PLA2R1: variants seen among roughly 807,000 people sequenced by gnomAD.
PLA2R1 encodes secretory phospholipase A2 receptor.
In PLA2R1, 158 loss-of-function variants were observed where a neutral mutation model predicts 195.9. The ratio of observed to expected loss-of-function variants is 0.81; its 90% CI spans 0.71 to 0.92. The LOEUF (loss-of-function observed/expected upper bound fraction) is 0.92. Among genes scored for constraint, PLA2R1 ranks in the 40% least tolerant of loss-of-function variants. The pLI is 0.00. For missense variants in PLA2R1, 1,626 were observed against 1,764.6 expected (o/e 0.92, Z 1.41); for synonymous variants, 586 against 598.2 (o/e 0.98, Z 0.30).
chr2:159,999,283 T>C (rs1202702045), intron 11 of PLA2R1, among the ~76,000 whole-genome samples: 1 of 152,172 alleles, frequency 6.6e-6, no homozygotes, highest in Non-Finnish European at 1.5e-5. Flanking sequence ...ATATATGAGT[T>C]ATTTATTGTA....
intron 20 of PLA2R1, among the ~76,000 whole-genome samples, chr2:159,962,245 A>T (rs1185813111): frequency 1.3e-5 from 2 of 152,262 alleles, no homozygotes; most frequent in Non-Finnish European, 2.9e-5. Context: ...GACACTTCTC[A>T]AAAGAAGACA....
At chr2:159,925,337 T>C in the PLA2R1 span, among the ~76,000 whole-genome samples, 5 of 152,180 alleles carry the variant, frequency 3.3e-5, no homozygotes, top group Non-Finnish European at 7.3e-5. Flanking sequence ...GAGAAAGCCA[T>C]GTAAAAGATA....
At chr2:160,058,596 C>T (rs1478677280) in intron 1 of PLA2R1, among the ~76,000 whole-genome samples, 1 of 152,208 alleles carries the variant, frequency 6.6e-6, no homozygotes. Context: ...ATGACTATGC[C>T]CAGTTTTCAC....
At chr2:160,024,599 C>A (rs770436860) in intron 6 of PLA2R1, among the ~76,000 whole-genome samples, 36 of 152,132 alleles carry the variant, frequency 2.4e-4, no homozygotes, top group Non-Finnish European at 3.4e-4. Flanking sequence ...GCAGTCATAC[C>A]CCCCAGCACC....
chr2:159,934,729 C>A lies in PLA2R1; in HGVS notation c.*7049G>T, dbSNP rs1259806149. 1 of 152,146 alleles carries A rather than the reference C, an allele frequency of 6.6e-6. No homozygotes were observed. The highest frequency in any genetic ancestry group is 1.9e-4 in the East Asian group (1 of 5,198). 9.4% of individuals were successfully genotyped at this position (152,146 alleles called of 1,614,324 possible). On this transcript the variant is annotated 3_prime_UTR_variant, in exon 30 of 30. Coordinates refer to ENST00000283243, the MANE Select transcript of PLA2R1 (RefSeq NM_007366.5). ...TTTAGGTTTACAGAAAAATTGCCAA[C>A]TTAGTCCAGAGAGTTCCTGTACAGC...
intron 14 of PLA2R1, among the ~76,000 whole-genome samples, chr2:159,978,431 C>T (rs1689723587): frequency 6.6e-6 from 1 of 152,094 alleles, no homozygotes; most frequent in Admixed American, 6.5e-5. Context: ...TATATATAGC[C>T]TCAGGTTCAG....
chr2:160,009,342 G>A (rs537858948), intron 10 of PLA2R1, among the ~76,000 whole-genome samples: 28 of 152,310 alleles, frequency 1.8e-4, no homozygotes, highest in African/African-American at 6.7e-4. Context: ...AACAATATGT[G>A]TATATACATA....
chr2:160,024,387 A>G (rs1442632999), intron 6 of PLA2R1, among the ~76,000 whole-genome samples: 2 of 152,104 alleles, frequency 1.3e-5, no homozygotes, highest in Non-Finnish European at 2.9e-5. Context: ...TGCCCCTCAG[A>G]GCCTGAGCTG....
intron 28 of PLA2R1, 108 bp from the exon 29 acceptor site, chr2:159,942,267 T>TA (rs1004968208): frequency 1.3e-6 from 1 of 792,292 alleles, no homozygotes; most frequent in African/African-American, 1.8e-5. Context: ...CCTATTTTTA[T>TA]AAAAAATGTT....
intron 11 of PLA2R1, among the ~76,000 whole-genome samples, chr2:159,996,374 T>A (rs1691212400): frequency 6.6e-6 from 1 of 152,138 alleles, no homozygotes; most frequent in South Asian, 2.1e-4. Flanking sequence ...TACTTTCTTC[T>A]TGCTTGGATG....
intron 28 of PLA2R1, among the ~76,000 whole-genome samples, chr2:159,944,401 T>G (rs551226513): frequency 1.1e-4 from 17 of 152,168 alleles, no homozygotes; most frequent in Non-Finnish European, 2.2e-4. Flanking sequence ...ATTTCTAAAA[T>G]TATTGTTTTT....
chr2:159,973,779 G>T (rs1213144521), intron 17 of PLA2R1, among the ~76,000 whole-genome samples: 1 of 152,136 alleles, frequency 6.6e-6, no homozygotes, highest in African/African-American at 2.4e-5. Flanking sequence ...TTGCAGCACA[G>T]TGGGGAGATT....
intron 17 of PLA2R1, among the ~76,000 whole-genome samples, chr2:159,974,693 G>C (rs1008826397): frequency 1.3e-5 from 2 of 152,096 alleles, no homozygotes; most frequent in African/African-American, 4.8e-5. Context: ...ACAAAATAGT[G>C]TACAAATTTA....
rs556191031 is a variant in PLA2R1, at chr2:160,009,347, T to C, written c.1665-3526A>G. Among the ~76,000 whole-genome samples, 7 of 152,324 alleles carry C rather than the reference T, an allele frequency of 4.6e-5. No individual in the cohort carries two copies. The East Asian group carries it at 1.4e-3, about 29-fold the overall frequency. Reference sequence around the variant, plus strand: ...TGAATGGATAAACAATATGTGTATATACATACAATGGAATATGAATTAGCC... The same window carrying C: ...TGAATGGATAAACAATATGTGTATACACATACAATGGAATATGAATTAGCC... On this transcript the variant is annotated intron_variant, in intron 10 of 29. Coordinates refer to ENST00000283243, the MANE Select transcript of PLA2R1 (RefSeq NM_007366.5).
At chr2:159,965,977 G>C (rs778735245) in intron 20 of PLA2R1, among the ~76,000 whole-genome samples, 3 of 152,158 alleles carry the variant, frequency 2.0e-5, no homozygotes, top group Non-Finnish European at 4.4e-5. Flanking sequence ...CAAAAAGTGC[G>C]TCTTGGCCTG....
intron 11 of PLA2R1, among the ~76,000 whole-genome samples, chr2:159,988,519 A>G (rs889324403): frequency 1.3e-5 from 2 of 152,210 alleles, no homozygotes; most frequent in Non-Finnish European, 2.9e-5. Flanking sequence ...GGGGTGATGG[A>G]GCCTGTCCAG....
chr2:159,928,194 T>C (rs565071237), downstream of PLA2R1, among the ~76,000 whole-genome samples: 2 of 152,296 alleles, frequency 1.3e-5, no homozygotes, highest in South Asian at 2.1e-4. Flanking sequence ...GAGGTAGATG[T>C]CGTAATGCCA....
intron 13 of PLA2R1, among the ~76,000 whole-genome samples, chr2:159,980,921 G>C (rs893244056): frequency 6.6e-6 from 1 of 152,170 alleles, no homozygotes; most frequent in Admixed American, 6.5e-5. Flanking sequence ...AGAAATCCAA[G>C]AGATCACTGA....
intron 17 of PLA2R1, among the ~76,000 whole-genome samples, chr2:159,971,951 A>C (rs550598814): frequency 1.3e-5 from 2 of 152,296 alleles, no homozygotes; most frequent in African/African-American, 4.8e-5. Flanking sequence ...ATGTTCTTAC[A>C]GGCTGAATTC....
Sources: allele counts gnomAD v4.1 joint callset (sites outside exome capture counted in the v4.1 genomes callset), GRCh38; gene constraint gnomAD v4.1.1; transcripts MANE v1.5; gene names NCBI Gene and HGNC (gene_info 2026-07-23, HGNC 2026-07-21).